The following IPO9 variants were observed in gnomAD, a reference collection of about 807,000 sequenced individuals.
The protein encoded by IPO9 is importin-9.
In IPO9, 28 loss-of-function variants were observed where a neutral mutation model predicts 128.6. The observed-to-expected ratio is 0.22, with a 90% confidence interval of 0.16 to 0.30. IPO9 has a LOEUF of 0.30. IPO9 is among the 10% of genes least tolerant of loss of function. The pLI is 1.00. For synonymous variants in IPO9, 455 were observed against 475.8 expected, an observed-to-expected ratio of 0.96 and a Z score of 0.57; for missense variants, 935 against 1,293.9, an observed-to-expected ratio of 0.72 and a Z score of 4.26.
In IPO9 at chr1:201,858,933, G is replaced by A. The variant is rs764186043; in HGVS notation, c.1407G>A (p.Arg469=). 1 of 1,612,492 alleles carries A rather than the reference G, an allele frequency of 6.2e-7. No individual in the cohort carries two copies. The highest frequency in any genetic ancestry group is 8.5e-7 in the Non-Finnish European group (1 of 1,178,912). Residue 469 remains arginine, a synonymous_variant, in exon 13 of 24, where the codon AGG becomes AGA. Coordinates refer to ENST00000361565, the MANE Select transcript of IPO9 (RefSeq NM_018085.5). ...TCACTGACAGTGTGAAAAATGGCAGGATTCATTTTGACATGCATGGGTTCC... is the reference window on the plus strand; with the variant it reads ...TCACTGACAGTGTGAAAAATGGCAGAATTCATTTTGACATGCATGGGTTCC... The part of the protein sequence containing the change: ...AIITDSVKNG[R]IHFDMHGFLT...
At chr1:201,832,562 A>G (rs1679854795) in intron 1 of IPO9, among the ~76,000 whole-genome samples, 1 of 152,226 alleles carries the variant, frequency 6.6e-6, no homozygotes, top group African/African-American at 2.4e-5. Context: ...CCAGGCCGGA[A>G]ACACTCTTAA....
At chr1:201,847,765 G>GAGCAATCAAAAGACTAGC in intron 3 of IPO9, 127 bp downstream of exon 3, 1 of 686,986 alleles carries the variant, frequency 1.5e-6, no homozygotes, top group Non-Finnish European at 2.6e-6. Flanking sequence ...TTGGTGGCTG[G>GAGCAATCAAAAGACTAGC]CATTGCGGGC....
chr1:201,875,483 G>A (rs375113093), intron 23 of IPO9, among the ~76,000 whole-genome samples: 65 of 152,152 alleles, frequency 4.3e-4, no homozygotes, highest in Middle Eastern at 3.4e-3. Flanking sequence ...CCAGCTACTC[G>A]GGAGGCTGAG....
chr1:201,839,135 G>A (rs1209730040), intron 1 of IPO9, among the ~76,000 whole-genome samples: 1 of 151,712 alleles, frequency 6.6e-6, no homozygotes, highest in Non-Finnish European at 1.5e-5. Context: ...GGCCAAGCTG[G>A]TCTCGAACTC....
chr1:201,859,949 A>G (rs1038144945), intron 13 of IPO9, among the ~76,000 whole-genome samples: 2 of 151,482 alleles, frequency 1.3e-5, no homozygotes, highest in African/African-American at 4.9e-5. Flanking sequence ...ACAGAGCGAG[A>G]CTTGGTTTAA....
chr1:201,874,800 T>G lies in IPO9; in HGVS notation c.2834-32T>G, dbSNP rs774914720. The stretch of plus-strand genomic sequence containing the variant: ...GGGGAGGGAAAATGCATGAATGTGC[T>G]CTAGCTCTAGCTGCTTTTCATCTCC... On this transcript the variant is annotated intron_variant, in intron 21 of 23. Transcript: ENST00000361565. 5 of 1,446,084 alleles carry G rather than the reference T, an allele frequency of 3.5e-6. No homozygotes were observed. The South Asian group carries it at 5.7e-5, about 17-fold the overall frequency. The allele number at this position is 1,446,084 out of a possible 1,614,324, so 89.6% of individuals were successfully genotyped here.
At chr1:201,852,636 C>A (rs1324422150) in intron 5 of IPO9, among the ~76,000 whole-genome samples, 1 of 152,082 alleles carries the variant, frequency 6.6e-6, no homozygotes, top group Non-Finnish European at 1.5e-5. Context: ...GTATAAATAC[C>A]TGATGGATAA....
chr1:201,874,148 G>A, intron 20 of IPO9, 102 bp from the exon 21 acceptor site: 5 of 1,204,428 alleles, frequency 4.2e-6, no homozygotes, highest in African/African-American at 1.5e-5. Flanking sequence ...GAAAGTCTGA[G>A]GGGTGGTGAA....
Position 201,866,899 on chromosome 1 carries a change from G to A in IPO9, c.1795G>A (p.Ala599Thr), listed in dbSNP as rs745940626. 1.1e-5 allele frequency: 17 copies of A among 1,614,022 alleles called. No homozygotes were observed. The highest frequency in any genetic ancestry group is 1.6e-4 in the Middle Eastern group (1 of 6,084). Residue 599 changes from alanine to threonine, a missense_variant, in exon 15 of 24, where the codon GCA (alanine) becomes ACA (threonine). By Grantham distance (58) the Ala-to-Thr change is moderately conservative. This residue lies in a region of IPO9 where 741 missense variants were observed against 1,019.1 expected (regional missense o/e 0.73). Transcript: ENST00000361565. ...IVCTVDPEFT[A>T]SMESKICPFT... ...TTGTACAGTAGACCCCGAATTCACA[G>A]CAAGCATGGAAAGCAAAATCTGCCC...
intron 10 of IPO9, among the ~76,000 whole-genome samples, chr1:201,856,794 C>T (rs959812494): frequency 6.6e-6 from 1 of 152,178 alleles, no homozygotes; most frequent in Non-Finnish European, 1.5e-5. Context: ...TCAAGCCATC[C>T]TCCTGCCTCA....
At chr1:201,852,906 A>G (rs1391681787) in intron 5 of IPO9, 105 bp from the exon 6 acceptor site, 2 of 860,328 alleles carry the variant, frequency 2.3e-6, no homozygotes, top group Non-Finnish European at 3.9e-6. Context: ...ATCCAATCTC[A>G]TGTGAGGATT....
chr1:201,874,962 C>T, intron 22 of IPO9, 26 bp downstream of exon 22: 9 of 1,518,672 alleles, frequency 5.9e-6, no homozygotes, highest in Non-Finnish European at 8.2e-6. Context: ...AGAGGACAGC[C>T]ATGGTAAATA....
chr1:201,872,305 T>TCTTA (rs1680667712), intron 19 of IPO9, among the ~76,000 whole-genome samples: 1 of 152,182 alleles, frequency 6.6e-6, no homozygotes, highest in Non-Finnish European at 1.5e-5. Context: ...ATCACCTCGT[T>TCTTA]GCACCTTACA....
In IPO9 at chr1:201,878,691, A is replaced by T. The variant is rs1680826173; in HGVS notation, c.*2637A>T. On this transcript the variant is annotated 3_prime_UTR_variant, in exon 24 of 24. Transcript: ENST00000361565. ...TTAATTGTGTTTCCAGTGCATTTTC[A>T]TATACATTATCCCATTTAACCTTTA... 6.6e-6 allele frequency: 1 copy of T among 152,206 alleles called. No individual in the cohort carries two copies. The highest frequency in any genetic ancestry group is 2.1e-4 in the South Asian group (1 of 4,824). The allele number at this position is 152,206 out of a possible 1,614,324, so 9.4% of individuals were successfully genotyped here. A position where few individuals can be genotyped will look rare whatever the true frequency, so the allele number is the denominator to read the frequency against.
At chr1:201,851,647 G>A (rs1049795243) in intron 4 of IPO9, among the ~76,000 whole-genome samples, 2 of 152,140 alleles carry the variant, frequency 1.3e-5, no homozygotes, top group African/African-American at 4.8e-5. Context: ...ACAAAGAGGA[G>A]TTGAGGCCTA....
rs1361915816 is a variant in IPO9, at chr1:201,877,763, A to G, written c.*1709A>G. 3 of 152,068 alleles carry G rather than the reference A, an allele frequency of 2.0e-5. No homozygotes were observed. The highest frequency in any genetic ancestry group is 6.6e-5 in the Admixed American group (1 of 15,264). The allele number at this position is 152,068 out of a possible 1,614,324, so 9.4% of individuals were successfully genotyped here. A position where few individuals can be genotyped will look rare whatever the true frequency, so the allele number is the denominator to read the frequency against. ...ACATGATGAAACCCTGTCTCTACTA[A>G]AAATACAAAAATTAGCCAGGCATGG... On this transcript the variant is annotated 3_prime_UTR_variant, in exon 24 of 24. Coordinates refer to ENST00000361565, the MANE Select transcript of IPO9 (RefSeq NM_018085.5).
chr1:201,848,277 T>C (rs562990837), intron 3 of IPO9, 116 bp from the exon 4 acceptor site: 1 of 824,616 alleles, frequency 1.2e-6, no homozygotes, highest in East Asian at 2.5e-5. Flanking sequence ...AGGAGTTTTC[T>C]GTAGACATGC....
At chr1:201,838,947 C>A (rs1344928831) in intron 1 of IPO9, among the ~76,000 whole-genome samples, 1 of 148,282 alleles carries the variant, frequency 6.7e-6, no homozygotes, top group African/African-American at 2.5e-5. Flanking sequence ...TGAGATGGAG[C>A]CTTGCTGTGT....
At chr1:201,840,245 G>A (rs550008876) in intron 1 of IPO9, among the ~76,000 whole-genome samples, 1 of 152,034 alleles carries the variant, frequency 6.6e-6, no homozygotes, top group Non-Finnish European at 1.5e-5. Flanking sequence ...ATGAGCCACC[G>A]TGCCCAGCTA....
Sources: gnomAD v4.1 joint callset for allele counts (sites outside exome capture counted in the v4.1 genomes callset) on GRCh38, gnomAD v4.1.1 for gene constraint, gnomAD v4.1.1 regional missense constraint, MANE v1.5 for transcripts, NCBI Gene and HGNC (gene_info 2026-07-23, HGNC 2026-07-21) for gene names.